Variants in SH3RF3 observed in about 807,000 individuals in gnomAD.
SH3RF3 encodes the protein SH3 domain containing ring finger 3, also known as E3 ubiquitin-protein ligase SH3RF3.
In SH3RF3, 29 loss-of-function variants were observed where a neutral mutation model predicts 66.3. That is an observed-to-expected ratio of 0.44 (90% confidence interval 0.33 to 0.60). The LOEUF (loss-of-function observed/expected upper bound fraction) is 0.60. Ranked by LOEUF, SH3RF3 falls within the 20% of genes least tolerant of loss-of-function variation. The pLI is 0.04. For synonymous variants in SH3RF3, 583 were observed against 532.0 expected, an observed-to-expected ratio of 1.10 and a Z score of -1.32; for missense variants, 1,194 against 1,190.9, an observed-to-expected ratio of 1.00 and a Z score of -0.04.
intron 5 of SH3RF3, 33 bp from the exon 6 acceptor site, chr2:109,432,468 C>T (rs765479396): frequency 6.2e-7 from 1 of 1,610,392 alleles, no homozygotes. Context: ...CAGGAGGGCT[C>T]CCACTGACAC....
At chr2:109,418,386 C>T (rs1046277712) in intron 4 of SH3RF3, among the ~76,000 whole-genome samples, 14 of 152,138 alleles carry the variant, frequency 9.2e-5, no homozygotes, top group Admixed American at 7.9e-4. Context: ...CTCTAGAGGT[C>T]GGAAGCCCCA....
chr2:109,376,567 CAA>C (rs1472059084), intron 3 of SH3RF3, among the ~76,000 whole-genome samples: 6 of 152,226 alleles, frequency 3.9e-5, no homozygotes, highest in African/African-American at 1.4e-4. Flanking sequence ...ACAGTAGACA[CAA>C]GTGTCAAGCT....
At chr2:109,312,925 C>T (rs112356489) in intron 1 of SH3RF3, among the ~76,000 whole-genome samples, 11 of 152,100 alleles carry the variant, frequency 7.2e-5, no homozygotes, top group African/African-American at 1.9e-4. Context: ...CCTAGGTGTA[C>T]GTTATTGAAG....
At chr2:109,226,306 AT>A (rs1679372902) in intron 1 of SH3RF3, among the ~76,000 whole-genome samples, 2 of 152,166 alleles carry the variant, frequency 1.3e-5, no homozygotes, top group Non-Finnish European at 2.9e-5. Flanking sequence ...CAATAAGCTC[AT>A]TTTGAACATG....
intron 9 of SH3RF3, among the ~76,000 whole-genome samples, chr2:109,498,131 A>G (rs1016642860): frequency 3.0e-4 from 46 of 152,144 alleles, no homozygotes; most frequent in African/African-American, 1.1e-3. Context: ...GGGAGGAAGG[A>G]GGTGCCTCCG....
chr2:109,214,805 G>T (rs1355462953), intron 1 of SH3RF3, among the ~76,000 whole-genome samples: 2 of 152,206 alleles, frequency 1.3e-5, no homozygotes, highest in East Asian at 3.9e-4. Context: ...CCCTAAAGGG[G>T]AGCAAGATCT....
intron 1 of SH3RF3, among the ~76,000 whole-genome samples, chr2:109,181,291 T>C (rs1177889830): frequency 6.6e-6 from 1 of 152,264 alleles, no homozygotes; most frequent in Admixed American, 6.5e-5. Flanking sequence ...TGATATCTTA[T>C]GCTACCATGG....
chr2:109,440,629 A>G (rs1436166261), intron 7 of SH3RF3, among the ~76,000 whole-genome samples: 1 of 152,212 alleles, frequency 6.6e-6, no homozygotes, highest in Non-Finnish European at 1.5e-5. Flanking sequence ...ACACCAGACA[A>G]CCAAGGACTG....
At chr2:109,472,064 T>G (rs867549965) in intron 8 of SH3RF3, among the ~76,000 whole-genome samples, 1 of 152,230 alleles carries the variant, frequency 6.6e-6, no homozygotes, top group Non-Finnish European at 1.5e-5. Context: ...CATCTCAGCT[T>G]CTTTCAAATT....
intron 3 of SH3RF3, among the ~76,000 whole-genome samples, chr2:109,388,148 T>G (rs1675874923): frequency 6.6e-6 from 1 of 152,226 alleles, no homozygotes; most frequent in African/African-American, 2.4e-5. Context: ...CTTGAAATAC[T>G]TAGGTCACTT....
chr2:109,305,852 G>A (rs1038068043), intron 1 of SH3RF3, among the ~76,000 whole-genome samples: 1 of 152,238 alleles, frequency 6.6e-6, no homozygotes, highest in Non-Finnish European at 1.5e-5. Flanking sequence ...AGGTGACAGA[G>A]AAGAAAGCAA....
chr2:109,358,529 G>A (rs186769057), intron 2 of SH3RF3, among the ~76,000 whole-genome samples: 301 of 152,288 alleles, frequency 2.0e-3, no homozygotes, highest in African/African-American at 3.7e-3. Flanking sequence ...GTGAATGAGC[G>A]TTCCTGTTGC....
chr2:109,179,003 A>ATGTGTGTGTGTGTGTGTGTGTGTG (rs56236635), intron 1 of SH3RF3, among the ~76,000 whole-genome samples: 3 of 142,066 alleles, frequency 2.1e-5, no homozygotes, highest in South Asian at 2.3e-4. Flanking sequence ...AAGTATAATA[A>ATGTGTGTGTGTGTGTGTGTGTGTG]TGTGTGTGTG....
At chr2:109,209,349 C>T (rs142058397) in intron 1 of SH3RF3, among the ~76,000 whole-genome samples, 10 of 152,220 alleles carry the variant, frequency 6.6e-5, no homozygotes, top group South Asian at 6.2e-4. Flanking sequence ...TGCTGGCAAA[C>T]GTTTAACAGT....
rs114924531 is a variant in SH3RF3 at position 109,419,416 on chromosome 2, G to A, written c.1300-123G>A. The A allele has an allele frequency of 1.1e-3, 1,135 of 1,019,576 alleles. 3 individuals carry two copies. The highest frequency in any genetic ancestry group is 8.8e-3 in the African/African-American group (553 of 63,088). 63.2% of individuals were successfully genotyped at this position (1,019,576 alleles called of 1,614,324 possible). On this transcript the variant is annotated intron_variant, in intron 4 of 9. Transcript: ENST00000309415. Reference sequence around the variant, plus strand: ...GTCCAGGTAGGCACAGCACGTTGGAGGCCAAACAGCCAGGCAGCTGGCGAA... The same window carrying A: ...GTCCAGGTAGGCACAGCACGTTGGAAGCCAAACAGCCAGGCAGCTGGCGAA...
chr2:109,456,375 G>A (rs566433964), intron 8 of SH3RF3, among the ~76,000 whole-genome samples: 3 of 152,346 alleles, frequency 2.0e-5, no homozygotes, highest in Non-Finnish European at 2.9e-5. Context: ...TCCTGAAAGC[G>A]TGAATCCCAG....
chr2:109,323,996 A>G (rs1682091353), intron 1 of SH3RF3, among the ~76,000 whole-genome samples: 1 of 152,114 alleles, frequency 6.6e-6, no homozygotes, highest in Admixed American at 6.6e-5. Context: ...CCTGGAAAAC[A>G]CTAATGTAAT....
chr2:109,382,365 C>T (rs922293163), intron 3 of SH3RF3, among the ~76,000 whole-genome samples: 2 of 142,202 alleles, frequency 1.4e-5, no homozygotes, highest in African/African-American at 4.9e-5. Flanking sequence ...GGGGCTGACT[C>T]AGCCTGGGGC....
At chr2:109,138,183 C>T (rs1470587633) in intron 1 of SH3RF3, among the ~76,000 whole-genome samples, 18 of 152,154 alleles carry the variant, frequency 1.2e-4, no homozygotes, top group East Asian at 3.9e-4. Flanking sequence ...GCCCGGCTAA[C>T]GCCCGGCTAA....
Sources: gnomAD v4.1 joint callset for allele counts (sites outside exome capture counted in the v4.1 genomes callset) on GRCh38, gnomAD v4.1.1 for gene constraint, MANE v1.5 for transcripts, NCBI Gene and HGNC (gene_info 2026-07-23, HGNC 2026-07-21) for gene names.